The following MTRF1 variants were observed in gnomAD, a reference collection of about 807,000 sequenced individuals.
The protein encoded by MTRF1 is peptide chain release factor 1, mitochondrial.
Under a neutral mutation model 62.9 loss-of-function variants are expected in MTRF1, and 51 were observed. That is an observed-to-expected ratio of 0.81 (90% CI 0.65 to 1.02). The LOEUF is 1.02. Ranked by LOEUF, MTRF1 falls within the 50% of genes least tolerant of loss-of-function variation. MTRF1 has a pLI of 0.00. For synonymous variants in MTRF1, 158 were observed against 181.9 expected, an observed-to-expected ratio of 0.87 and a Z score of 1.06; for missense variants, 446 against 530.0, an observed-to-expected ratio of 0.84 and a Z score of 1.56.
intron 8 of MTRF1, among the ~76,000 whole-genome samples, chr13:41,224,697 C>G (rs1320010439): frequency 6.6e-6 from 1 of 152,108 alleles, no homozygotes; most frequent in Non-Finnish European, 1.5e-5. Context: ...TCAGTGGAAC[C>G]AGGATTGGGA....
chr13:41,226,700 C>T, intron 7 of MTRF1, 132 bp from the exon 8 acceptor site: 1 of 987,140 alleles, frequency 1.0e-6, no homozygotes, highest in Non-Finnish European at 1.5e-6. Flanking sequence ...GTTTAGCACA[C>T]TTCAGAAACT....
At chr13:41,237,529 C>G (rs1006526273) in intron 6 of MTRF1, among the ~76,000 whole-genome samples, 1 of 152,152 alleles carries the variant, frequency 6.6e-6, no homozygotes, top group African/African-American at 2.4e-5. Context: ...CAGAGTCTCA[C>G]TCTGTCGCCC....
intron 6 of MTRF1, among the ~76,000 whole-genome samples, chr13:41,239,593 T>C (rs1038602732): frequency 3.3e-5 from 5 of 152,028 alleles, no homozygotes; most frequent in Non-Finnish European, 4.4e-5. Flanking sequence ...AAGAAAAATA[T>C]AGAGCAGATG....
intron 9 of MTRF1, among the ~76,000 whole-genome samples, chr13:41,218,111 C>T (rs963544749): frequency 1.3e-5 from 2 of 152,024 alleles, no homozygotes; most frequent in Admixed American, 1.3e-4. Flanking sequence ...CTATATTGTG[C>T]TGATTGACTA....
intron 7 of MTRF1, among the ~76,000 whole-genome samples, chr13:41,228,445 A>G (rs1460576479): frequency 6.6e-6 from 1 of 152,166 alleles, no homozygotes; most frequent in Non-Finnish European, 1.5e-5. Context: ...CTGCACCTAT[A>G]GTCCCAGCTA....
chr13:41,226,291 G>A, intron 8 of MTRF1, 141 bp downstream of exon 8: 1 of 846,344 alleles, frequency 1.2e-6, no homozygotes, highest in Non-Finnish European at 1.8e-6. Flanking sequence ...CATTTGTACT[G>A]AGTTACTGCT....
the MTRF1 span, among the ~76,000 whole-genome samples, chr13:41,305,369 T>A: frequency 2.6e-5 from 4 of 152,176 alleles, no homozygotes; most frequent in African/African-American, 9.6e-5. Context: ...GAATGACTTT[T>A]AAAAAATTAA....
In MTRF1 at chr13:41,230,953, G is replaced by C. The variant is rs115744212; in HGVS notation, c.988+2937C>G. On this transcript the variant is annotated intron_variant, in intron 7 of 9. Transcript: ENST00000379480. ...TTGGCCAGGCTAGTCTCAAACTCCT[G>C]ACCCTCAGGTGATCTGCCTGCATCA... Among the ~76,000 whole-genome samples, 705 of 151,468 alleles carry C rather than the reference G, an allele frequency of 4.7e-3. 6 individuals are homozygous for C. Among genetic ancestry groups the C allele is most frequent in the African/African-American group, 0.016 (649 of 41,274 alleles).
At chr13:41,277,194 C>T in the MTRF1 span, among the ~76,000 whole-genome samples, 1 of 150,810 alleles carries the variant, frequency 6.6e-6, no homozygotes, top group Admixed American at 6.6e-5. Context: ...TGCAGTGGTG[C>T]AATTTTTGGC....
chr13:41,217,387 T>C (rs1290107118), intron 9 of MTRF1, among the ~76,000 whole-genome samples, 159 bp from the exon 10 acceptor site: 1 of 152,218 alleles, frequency 6.6e-6, no homozygotes, highest in African/African-American at 2.4e-5. Flanking sequence ...CTTGGGAAGA[T>C]CCCCACTCTG....
the MTRF1 span, among the ~76,000 whole-genome samples, chr13:41,292,335 A>G: frequency 6.6e-6 from 1 of 152,220 alleles, no homozygotes; most frequent in African/African-American, 2.4e-5. Context: ...TTGTAATCCC[A>G]GCACTTTGGG....
the MTRF1 span, among the ~76,000 whole-genome samples, chr13:41,291,091 C>T: frequency 5.5e-5 from 2 of 36,530 alleles, no homozygotes; most frequent in East Asian, 8.1e-4. Context: ...AGCAAAACTC[C>T]GTCTCAAAAA....
At chr13:41,294,456 A>C in the MTRF1 span, among the ~76,000 whole-genome samples, 1 of 151,744 alleles carries the variant, frequency 6.6e-6, no homozygotes, top group East Asian at 1.9e-4. Flanking sequence ...AAACGGATAA[A>C]GTTGTGTTCT....
Position 41,252,661 on chromosome 13 carries a change from A to G in MTRF1, c.681T>C (p.Tyr227=). Residue 227 remains tyrosine, a synonymous_variant, in exon 5 of 10, where the codon TAT becomes TAC. Transcript: ENST00000379480. ...YKHWQFELLN[Y]TPADYGGLHH... is the part of the protein sequence containing the mutation. ...TATGCCTACCATAATCTGCTGGTGT[A>G]TAATTCAGAAGTTCAAATTGCCAGT... 1 of 1,612,124 alleles carries G rather than the reference A, an allele frequency of 6.2e-7. No individual in the cohort carries two copies. Among genetic ancestry groups the G allele is most frequent in the Non-Finnish European group, 8.5e-7 (1 of 1,178,436 alleles).
At chr13:41,283,631 C>A in the MTRF1 span, among the ~76,000 whole-genome samples, 1 of 110,618 alleles carries the variant, frequency 9.0e-6, no homozygotes, top group African/African-American at 3.6e-5. Flanking sequence ...GCTCTGTCAC[C>A]CAGGCTGGAG....
rs372427245 is a variant in MTRF1, at chr13:41,223,381, A to G, written c.1126-27T>C. The G allele has an allele frequency of 2.9e-5, 45 of 1,575,666 alleles. No homozygotes were observed. In the African/African-American group the frequency reaches 5.0e-4, roughly 17 times the overall value. ...TGTGCCATAACAAAAAGCAATTTATATTTTACCTTTATAAATGTCTTCATT... is the reference window on the plus strand; with the variant it reads ...TGTGCCATAACAAAAAGCAATTTATGTTTTACCTTTATAAATGTCTTCATT... On this transcript the variant is annotated intron_variant, in intron 8 of 9. Transcript: ENST00000379480.
intron 1 of MTRF1, chr13:41,262,126 C>T (rs1323960010): frequency 2.6e-5 from 4 of 151,882 alleles, no homozygotes; most frequent in Admixed American, 6.6e-5. Context: ...CATCTGAGGT[C>T]AGGAGTTCGA....
At chr13:41,275,768 C>T in the MTRF1 span, among the ~76,000 whole-genome samples, 1 of 152,188 alleles carries the variant, frequency 6.6e-6, no homozygotes, top group Non-Finnish European at 1.5e-5. Flanking sequence ...GCTGGGATTA[C>T]AGGCGTGAAC....
intron 2 of MTRF1, among the ~76,000 whole-genome samples, chr13:41,258,404 C>T (rs143371004): frequency 2.0e-5 from 3 of 151,634 alleles, no homozygotes; most frequent in East Asian, 1.9e-4. Flanking sequence ...TAAAAATTTT[C>T]GAAAATTTTC....
Sources: gnomAD v4.1 joint callset for allele counts (sites outside exome capture counted in the v4.1 genomes callset) on GRCh38, gnomAD v4.1.1 for gene constraint, MANE v1.5 for transcripts, NCBI Gene and HGNC (gene_info 2026-07-23, HGNC 2026-07-21) for gene names.